Variants in GRIP1 observed in about 807,000 individuals in gnomAD.
The protein encoded by GRIP1 is glutamate receptor interacting protein 1.
In GRIP1, 45 loss-of-function variants were observed where a neutral mutation model predicts 129.9. The observed-to-expected ratio is 0.35, with a 90% confidence interval of 0.27 to 0.44. GRIP1 has a LOEUF of 0.44. Ranked by LOEUF, GRIP1 falls within the 20% of genes least tolerant of loss-of-function variation. The pLI is 1.00. For missense variants in GRIP1, 1,196 were observed against 1,396.8 expected, an observed-to-expected ratio of 0.86 and a Z score of 2.29; for synonymous variants, 530 against 520.8, an observed-to-expected ratio of 1.02 and a Z score of -0.24.
intron 1 of GRIP1, among the ~76,000 whole-genome samples, chr12:66,795,870 G>A (rs565062266): frequency 8.5e-5 from 13 of 152,060 alleles, no homozygotes; most frequent in Non-Finnish European, 1.6e-4. Flanking sequence ...AAAGACTAGG[G>A]AGAAGCATAA....
At chr12:66,986,347 T>C (rs1171108837) in intron 1 of GRIP1, among the ~76,000 whole-genome samples, 1 of 152,002 alleles carries the variant, frequency 6.6e-6, no homozygotes, top group African/African-American at 2.4e-5. Flanking sequence ...TAAAGGACTA[T>C]AAATCATGCT....
chr12:66,508,555 G>C (rs2060607771), intron 7 of GRIP1, among the ~76,000 whole-genome samples: 1 of 152,088 alleles, frequency 6.6e-6, no homozygotes, highest in South Asian at 2.1e-4. Flanking sequence ...ATGAATGAGG[G>C]AGATGGATTT....
At chr12:66,848,128 C>A (rs2039850544) in intron 1 of GRIP1, among the ~76,000 whole-genome samples, 1 of 152,130 alleles carries the variant, frequency 6.6e-6, no homozygotes, top group Admixed American at 6.6e-5. Context: ...TAGAACAACA[C>A]AAAGCCAAGT....
At chr12:66,744,273 GA>G (rs559272091) in intron 1 of GRIP1, among the ~76,000 whole-genome samples, 4 of 149,836 alleles carry the variant, frequency 2.7e-5, no homozygotes, top group African/African-American at 4.9e-5. Context: ...TTCTATTCCT[GA>G]AAAAAAAAGG....
intron 1 of GRIP1, among the ~76,000 whole-genome samples, chr12:66,842,029 C>T (rs2039727604): frequency 6.6e-6 from 1 of 152,098 alleles, no homozygotes; most frequent in Non-Finnish European, 1.5e-5. Context: ...CCTATGCCCT[C>T]CCATTATGGA....
At chr12:66,945,474 C>T (rs1038929720) in intron 1 of GRIP1, among the ~76,000 whole-genome samples, 9 of 152,038 alleles carry the variant, frequency 5.9e-5, no homozygotes, top group Admixed American at 3.9e-4. Flanking sequence ...CTGCCACCTG[C>T]GCAGCTTCTG....
intron 13 of GRIP1, among the ~76,000 whole-genome samples, chr12:66,442,806 G>A (rs541645852): frequency 1.3e-5 from 2 of 152,202 alleles, no homozygotes; most frequent in South Asian, 4.2e-4. Flanking sequence ...AAGTGCTGGG[G>A]TTATAGGTGT....
At chr12:66,407,445 T>C (rs1487020836) in intron 15 of GRIP1, 2 of 151,988 alleles carry the variant, frequency 1.3e-5, no homozygotes, top group African/African-American at 2.4e-5. Context: ...CTGAAGAGGG[T>C]AGGAAAGAAA....
At chr12:66,424,306 A>G (rs2057910828) in intron 14 of GRIP1, among the ~76,000 whole-genome samples, 1 of 152,216 alleles carries the variant, frequency 6.6e-6, no homozygotes, top group African/African-American at 2.4e-5. Flanking sequence ...TACTTTTTAA[A>G]ATGTATTTTC....
At chr12:66,767,031 T>C (rs944857279) in intron 1 of GRIP1, among the ~76,000 whole-genome samples, 2 of 152,180 alleles carry the variant, frequency 1.3e-5, no homozygotes, top group Non-Finnish European at 2.9e-5. Flanking sequence ...CTCAAAACTC[T>C]ATACTACAAC....
chr12:66,373,007 T>G (rs1343529063), intron 22 of GRIP1, among the ~76,000 whole-genome samples: 3 of 152,202 alleles, frequency 2.0e-5, no homozygotes, highest in Non-Finnish European at 1.5e-5. Context: ...ACTTGTTGAG[T>G]CTTTTGAATG....
Position 66,455,397 on chromosome 12 carries a change from C to T in GRIP1, c.1354+12G>A. On this transcript the variant is annotated intron_variant, in intron 11 of 24. Transcript: ENST00000359742. ...TTCCAGGCCAAATGCCATTGGCTGT[C>T]ATTTCACTTACATGAGCTTTTGAAG... 6.2e-7 allele frequency: 1 copy of T among 1,613,706 alleles called. No homozygotes were observed. Among genetic ancestry groups the T allele is most frequent in the South Asian group, 1.1e-5 (1 of 91,050 alleles).
At chr12:66,874,521 T>C (rs1435989061) in intron 1 of GRIP1, among the ~76,000 whole-genome samples, 1 of 152,098 alleles carries the variant, frequency 6.6e-6, no homozygotes, top group African/African-American at 2.4e-5. Flanking sequence ...AACTGGCTTA[T>C]GGTTATGCAG....
intron 19 of GRIP1, among the ~76,000 whole-genome samples, chr12:66,380,162 G>A (rs2056039665): frequency 2.0e-5 from 3 of 151,994 alleles, no homozygotes; most frequent in Non-Finnish European, 2.9e-5. Context: ...CACCCACCTC[G>A]GCCTCCCAGA....
At chr12:66,692,115 G>C (rs2035003478) in intron 1 of GRIP1, among the ~76,000 whole-genome samples, 1 of 152,138 alleles carries the variant, frequency 6.6e-6, no homozygotes, top group Non-Finnish European at 1.5e-5. Context: ...GCAGGGTTTG[G>C]ATTTCAGCAT....
chr12:66,708,160 G>A (rs7958887), intron 1 of GRIP1, among the ~76,000 whole-genome samples: 21,462 of 151,914 alleles, frequency 0.14, 1,606 homozygotes, highest in African/African-American at 0.16. Flanking sequence ...AACATAACTG[G>A]AATGTCTCCT....
chr12:66,824,304 T>C (rs532893057), intron 1 of GRIP1, among the ~76,000 whole-genome samples: 8 of 152,298 alleles, frequency 5.3e-5, no homozygotes, highest in Admixed American at 3.9e-4. Flanking sequence ...GTTTCAGATA[T>C]ATGTGAATAA....
chr12:66,784,985 T>C (rs1173859216), intron 1 of GRIP1, among the ~76,000 whole-genome samples: 1 of 152,134 alleles, frequency 6.6e-6, no homozygotes, highest in Non-Finnish European at 1.5e-5. Flanking sequence ...GGACTACCAC[T>C]ACCTTCCGTG....
In GRIP1 at chr12:66,348,934, C is replaced by T; in HGVS notation, c.*85G>A. The T allele has an allele frequency of 3.2e-6, 3 of 947,856 alleles. 1 individual carries two copies. Among genetic ancestry groups the T allele is most frequent in the Admixed American group, 1.7e-5 (1 of 59,152 alleles). 58.7% of individuals were successfully genotyped at this position (947,856 alleles called of 1,614,324 possible). Reference sequence around the variant, plus strand: ...AGTTAATGCCACGTTGATTGATTATCTGTGCTTCAAAGGTCACAGAAATCT... The same window carrying T: ...AGTTAATGCCACGTTGATTGATTATTTGTGCTTCAAAGGTCACAGAAATCT... On this transcript the variant is annotated 3_prime_UTR_variant, in exon 25 of 25. Transcript: ENST00000359742.
Sources: gnomAD v4.1 joint callset for allele counts (sites outside exome capture counted in the v4.1 genomes callset) on GRCh38, gnomAD v4.1.1 for gene constraint, MANE v1.5 for transcripts, NCBI Gene and HGNC (gene_info 2026-07-23, HGNC 2026-07-21) for gene names.